The following ZNF423 variants were observed in gnomAD, a reference collection of about 807,000 sequenced individuals.
ZNF423 encodes Ebf-associated zinc finger protein.
ZNF423 carries 12 observed loss-of-function variants against 95.8 expected under a neutral mutation model. The observed-to-expected ratio is 0.13, with a 90% CI of 0.08 to 0.20. ZNF423 has a LOEUF of 0.20. Ranked by LOEUF, ZNF423 falls within the 10% of genes least tolerant of loss-of-function variation. The pLI is 1.00. For synonymous variants in ZNF423, 749 were observed against 711.9 expected, an observed-to-expected ratio of 1.05 and a Z score of -0.83; for missense variants, 1,316 against 1,737.1, an observed-to-expected ratio of 0.76 and a Z score of 4.31.
intron 3 of ZNF423, among the ~76,000 whole-genome samples, chr16:49,642,258 G>A (rs1972998334): frequency 6.6e-6 from 1 of 152,086 alleles, no homozygotes; most frequent in Admixed American, 6.6e-5. Flanking sequence ...TGAGGAACTG[G>A]CCCCCAGTAC....
At chr16:49,750,344 C>A (rs2033611099) in intron 2 of ZNF423, among the ~76,000 whole-genome samples, 1 of 152,214 alleles carries the variant, frequency 6.6e-6, no homozygotes, top group Admixed American at 6.5e-5. Context: ...GGGGCCAAGT[C>A]AGGGGTTTCC....
At chr16:49,607,218 T>A (rs1013054899) in intron 5 of ZNF423, among the ~76,000 whole-genome samples, 4 of 152,114 alleles carry the variant, frequency 2.6e-5, no homozygotes, top group African/African-American at 9.7e-5. Flanking sequence ...CCACTCAGGA[T>A]AGCATTTTTT....
At chr16:49,750,100 C>A (rs1027402443) in intron 2 of ZNF423, among the ~76,000 whole-genome samples, 6 of 152,222 alleles carry the variant, frequency 3.9e-5, no homozygotes. Context: ...CCTGTGCAGG[C>A]AAGTGCAAGC....
chr16:49,494,610 G>A lies in ZNF423; in HGVS notation c.3850-3306C>T, dbSNP rs547970247. On this transcript the variant is annotated intron_variant, in intron 7 of 7. Coordinates refer to ENST00000563137, the MANE Select transcript of ZNF423 (RefSeq NM_001379286.1). ...TCAAGGTCACCCGATCAGTTTGTGT[G>A]ATGGTGGTGGGGAGCCCAGAGGTGC... 2.1e-3 allele frequency among the ~76,000 whole-genome samples: 323 copies of A among 152,336 alleles called. 1 individual carries two copies. Among genetic ancestry groups the A allele is most frequent in the African/African-American group, 7.5e-3 (313 of 41,572 alleles).
chr16:49,623,152 G>C (rs956110948), intron 5 of ZNF423, among the ~76,000 whole-genome samples: 5 of 152,140 alleles, frequency 3.3e-5, no homozygotes, highest in African/African-American at 1.2e-4. Context: ...TGCACTCGGG[G>C]ACCAACCAAC....
intron 5 of ZNF423, among the ~76,000 whole-genome samples, chr16:49,578,986 C>A (rs1970582338): frequency 6.6e-6 from 1 of 152,164 alleles, no homozygotes; most frequent in Admixed American, 6.5e-5. Flanking sequence ...TTCCTCTGCT[C>A]CCAAGCATAC....
At chr16:49,650,590 T>C (rs1973363756) in intron 3 of ZNF423, among the ~76,000 whole-genome samples, 2 of 152,190 alleles carry the variant, frequency 1.3e-5, no homozygotes, top group African/African-American at 4.8e-5. Context: ...GGTTTTGTTA[T>C]TGTTATTATC....
rs12930530 is a variant in ZNF423 at position 49,603,489 on chromosome 16, G to A, written c.3601+22681C>T. Among the ~76,000 whole-genome samples, 33,330 of 151,786 alleles carry A rather than the reference G, an allele frequency of 0.22. 3,964 individuals are homozygous for A. Among genetic ancestry groups the A allele is most frequent in the South Asian group, 0.39 (1,873 of 4,800 alleles). ...CAGTGGTGTGATCTCAGCTTGCTGC[G>A]ACCTCCGCCTCCCGGGTTCAAGTGA... is the stretch of plus-strand genomic sequence containing the variant. On this transcript the variant is annotated intron_variant, in intron 5 of 7. Coordinates refer to ENST00000563137, the MANE Select transcript of ZNF423 (RefSeq NM_001379286.1). The surrounding 1 kb of genome is among the most constrained non-coding windows in gnomAD (Gnocchi z 4.1).
chr16:49,671,392 G>A lies in ZNF423; in HGVS notation c.302-32518C>T, dbSNP rs565520732. On this transcript the variant is annotated intron_variant, in intron 3 of 7. Coordinates refer to ENST00000563137, the MANE Select transcript of ZNF423 (RefSeq NM_001379286.1). ...TGTAGCCCACCCTAGGACCAAGCCC[G>A]GCCTTGATAGTTCCATGAGGTCCCA... Among the ~76,000 whole-genome samples the A allele has an allele frequency of 9.8e-5, 15 of 152,296 alleles. No homozygotes were observed. The South Asian group carries it at 3.1e-3, about 32-fold the overall frequency.
chr16:49,768,257 C>T (rs1273821212), intron 2 of ZNF423, among the ~76,000 whole-genome samples: 4 of 152,180 alleles, frequency 2.6e-5, no homozygotes, highest in Admixed American at 6.5e-5. Flanking sequence ...GCGGCGCGGA[C>T]ACCCCCGGAT....
intron 7 of ZNF423, among the ~76,000 whole-genome samples, chr16:49,517,491 T>C (rs12051241): frequency 0.28 from 42,594 of 151,884 alleles, 6,502 homozygotes; most frequent in African/African-American, 0.42. Context: ...GAGGTCAGAC[T>C]GGATCCCCTA....
At chr16:49,602,150 C>A (rs762136576) in intron 5 of ZNF423, among the ~76,000 whole-genome samples, 1 of 152,228 alleles carries the variant, frequency 6.6e-6, no homozygotes, top group Non-Finnish European at 1.5e-5. Context: ...GAATCTGACT[C>A]CCTGGAAGCC....
At chr16:49,756,585 C>T (rs927088918) in intron 2 of ZNF423, among the ~76,000 whole-genome samples, 3 of 152,110 alleles carry the variant, frequency 2.0e-5, no homozygotes, top group Non-Finnish European at 4.4e-5. Flanking sequence ...CCACCAAATG[C>T]GTGTCTCGAA....
intron 1 of ZNF423, among the ~76,000 whole-genome samples, chr16:49,823,222 C>A (rs1282453232): frequency 1.3e-5 from 2 of 152,244 alleles, no homozygotes; most frequent in African/African-American, 2.4e-5. Context: ...CGGCTGGCAT[C>A]ACTACCTGGA....
In ZNF423 at chr16:49,603,947, G is replaced by A. The variant is rs970594203; in HGVS notation, c.3601+22223C>T. Among the ~76,000 whole-genome samples the A allele has an allele frequency of 6.6e-6, 1 of 152,190 alleles. No individual in the cohort carries two copies. The highest frequency in any genetic ancestry group is 6.5e-5 in the Admixed American group (1 of 15,284). ...GCCCTGGGGACAGGCAAGGGCACAA[G>A]GATGCCAGAAATCTCCAAAGCCAAG... On this transcript the variant is annotated intron_variant, in intron 5 of 7. Transcript: ENST00000563137. The surrounding 1 kb of genome is among the most constrained non-coding windows in gnomAD (Gnocchi z 4.1).
chr16:49,539,538 C>T (rs1217151667), intron 5 of ZNF423, among the ~76,000 whole-genome samples: 1 of 152,210 alleles, frequency 6.6e-6, no homozygotes, highest in African/African-American at 2.4e-5. Flanking sequence ...CCAATGTTCC[C>T]CACCATGTAA....
At chr16:49,766,437 C>T (rs1347115528) in intron 2 of ZNF423, among the ~76,000 whole-genome samples, 1 of 152,192 alleles carries the variant, frequency 6.6e-6, no homozygotes, top group Non-Finnish European at 1.5e-5. Context: ...CAGGTGCTTC[C>T]GTCAGCTAGA....
At chr16:49,729,514 T>A (rs1279907945) in intron 3 of ZNF423, among the ~76,000 whole-genome samples, 1 of 152,006 alleles carries the variant, frequency 6.6e-6, no homozygotes, top group Non-Finnish European at 1.5e-5. Flanking sequence ...TCCCTTCTAA[T>A]TCTGATTTAG....
intron 3 of ZNF423, among the ~76,000 whole-genome samples, chr16:49,660,360 T>A (rs1219016734): frequency 6.6e-6 from 1 of 151,988 alleles, no homozygotes; most frequent in Non-Finnish European, 1.5e-5. Context: ...ATGGTATGAA[T>A]GAATTCAGAA....
Sources: gnomAD v4.1 joint callset for allele counts (sites outside exome capture counted in the v4.1 genomes callset) on GRCh38, gnomAD v4.1.1 for gene constraint, Gnocchi (gnomAD v3.1) non-coding constraint, MANE v1.5 for transcripts, NCBI Gene and HGNC (gene_info 2026-07-23, HGNC 2026-07-21) for gene names.